EIPR1: variants seen among roughly 807,000 people sequenced by gnomAD.
The protein encoded by EIPR1 is EARP complex and GARP complex interacting protein 1.
In EIPR1, 25 loss-of-function variants were observed where a neutral mutation model predicts 48.1. The ratio of observed to expected loss-of-function variants is 0.52; its 90% CI spans 0.38 to 0.73. The LOEUF is 0.73. EIPR1 is among the 30% of genes least tolerant of loss of function. The pLI is 0.00. For missense variants in EIPR1, 415 were observed against 506.2 expected (o/e 0.82, Z 1.73); for synonymous variants, 204 against 201.9 (o/e 1.01, Z -0.09).
rs1664851448 is a variant in EIPR1 at position 3,197,470 on chromosome 2, GC to G, written c.517-454del. ...CCCTCTTCCCTCCCTCCGTCTCGAG[GC>G]CCACACGGCCTTCGCCTGGCATTTA... On this transcript the variant is annotated intron_variant, in intron 5 of 8. Coordinates refer to ENST00000382125, the MANE Select transcript of EIPR1 (RefSeq NM_003310.5). Among the ~76,000 whole-genome samples the G allele has an allele frequency of 1.3e-5, 2 of 152,162 alleles. 1 individual carries two copies. Among genetic ancestry groups the G allele is most frequent in the African/African-American group, 4.8e-5 (2 of 41,436 alleles).
chr2:3,309,162 C>A (rs73913312), intron 3 of EIPR1, among the ~76,000 whole-genome samples: 21,480 of 152,160 alleles, frequency 0.14, 1,558 homozygotes, highest in Middle Eastern at 0.29. Flanking sequence ...ATCTGATGGT[C>A]AATGTACAGA....
At chr2:3,359,646 A>T (rs1670807657) in intron 1 of EIPR1, among the ~76,000 whole-genome samples, 1 of 152,216 alleles carries the variant, frequency 6.6e-6, no homozygotes, top group Non-Finnish European at 1.5e-5. Flanking sequence ...AAAATTATTT[A>T]ATTTGGGCCA....
intron 3 of EIPR1, among the ~76,000 whole-genome samples, chr2:3,258,213 T>C (rs1054318399): frequency 1.3e-5 from 2 of 152,250 alleles, no homozygotes; most frequent in Admixed American, 6.5e-5. Flanking sequence ...AGACTCAACC[T>C]GCATTAGAAA....
chr2:3,269,576 CATCGCACTCAATCATCGCACTCA>C (rs1667629202), intron 3 of EIPR1, among the ~76,000 whole-genome samples: 1 of 80,246 alleles, frequency 1.2e-5, no homozygotes, highest in African/African-American at 6.0e-5. Context: ...CGCACTCAGT[CATCGCACTCAATCATCGCACTCA>C]ATCGCACTCA....
intron 4 of EIPR1, among the ~76,000 whole-genome samples, chr2:3,254,941 A>T (rs1667107971): frequency 6.6e-6 from 1 of 152,234 alleles, no homozygotes. Context: ...ATGCAGTGTT[A>T]CTATTGGGGA....
At chr2:3,234,241 T>C (rs1043081682) in intron 4 of EIPR1, among the ~76,000 whole-genome samples, 3 of 152,236 alleles carry the variant, frequency 2.0e-5, no homozygotes, top group Non-Finnish European at 2.9e-5. Flanking sequence ...TTGTGGTTTG[T>C]GTCGCTCAAT....
chr2:3,257,839 G>C (rs901579519), intron 3 of EIPR1, among the ~76,000 whole-genome samples: 3 of 152,198 alleles, frequency 2.0e-5, no homozygotes, highest in Non-Finnish European at 2.9e-5. Flanking sequence ...GGCATTAAAC[G>C]GGTTTTCTCT....
At chr2:3,322,982 C>T (rs773977280) in intron 3 of EIPR1, among the ~76,000 whole-genome samples, 2 of 152,050 alleles carry the variant, frequency 1.3e-5, no homozygotes, top group Non-Finnish European at 2.9e-5. Context: ...AATATATAAG[C>T]GAAAAGCGAC....
At chr2:3,263,844 T>G (rs1351171597) in intron 3 of EIPR1, among the ~76,000 whole-genome samples, 11 of 80,874 alleles carry the variant, frequency 1.4e-4, no homozygotes, top group African/African-American at 5.9e-4. Context: ...GCAGCACCAT[T>G]AACTTTCTAA....
chr2:3,343,798 CGAGTACAGAGCTGCAGGGCCAGGCTGCT>C (rs541596344), intron 2 of EIPR1, among the ~76,000 whole-genome samples: 28 of 152,066 alleles, frequency 1.8e-4, no homozygotes, highest in Non-Finnish European at 3.8e-4. Flanking sequence ...GCCGGGCCAC[CGAGTACAGAGCTGCAGGGCCAGGCTGCT>C]GAGTACAGAG....
chr2:3,264,475 C>A (rs1270346262), intron 3 of EIPR1, among the ~76,000 whole-genome samples: 1 of 152,202 alleles, frequency 6.6e-6, no homozygotes. Flanking sequence ...TAAAGACTTT[C>A]CTGTGTACGG....
chr2:3,217,567 T>TA (rs1487217568), intron 4 of EIPR1, among the ~76,000 whole-genome samples: 1 of 152,250 alleles, frequency 6.6e-6, no homozygotes, highest in African/African-American at 2.4e-5. Flanking sequence ...CCAAATTTTT[T>TA]AAAAAAATTG....
At chr2:3,194,767 G>C (rs994002817) in intron 6 of EIPR1, among the ~76,000 whole-genome samples, 3 of 150,966 alleles carry the variant, frequency 2.0e-5, no homozygotes, top group Non-Finnish European at 4.4e-5. Flanking sequence ...GATATATACA[G>C]AGAGAGAGAG....
rs141392930 is a variant in EIPR1 at position 3,249,794 on chromosome 2, C to T, written c.416+7505G>A. 3.2e-3 allele frequency among the ~76,000 whole-genome samples: 488 copies of T among 152,316 alleles called. 4 individuals are homozygous for T. The highest frequency in any genetic ancestry group is 0.011 in the African/African-American group (472 of 41,566). On this transcript the variant is annotated intron_variant, in intron 4 of 8. Transcript: ENST00000382125. Reference sequence around the variant, plus strand: ...GGGGCCCCACTTCCTTGTGCAGCCTCAGGACACTGCTCCCTGCATCTAGCT... The same window carrying T: ...GGGGCCCCACTTCCTTGTGCAGCCTTAGGACACTGCTCCCTGCATCTAGCT...
At chr2:3,212,057 A>G (rs1169061132) in intron 5 of EIPR1, among the ~76,000 whole-genome samples, 1 of 152,246 alleles carries the variant, frequency 6.6e-6, no homozygotes, top group Non-Finnish European at 1.5e-5. Flanking sequence ...TCAAACAATA[A>G]GAAGACATTG....
intron 5 of EIPR1, chr2:3,207,659 T>G (rs1665284394): frequency 6.6e-6 from 1 of 152,228 alleles, no homozygotes; most frequent in African/African-American, 2.4e-5. Flanking sequence ...TCCTCTTTCT[T>G]AAAGACGCCT....
intron 8 of EIPR1, among the ~76,000 whole-genome samples, chr2:3,190,018 C>T (rs1664548582): frequency 6.6e-6 from 1 of 152,044 alleles, no homozygotes; most frequent in Non-Finnish European, 1.5e-5. Context: ...GGGAGTGGGG[C>T]TGGGCTGAGG....
chr2:3,367,931 G>A (rs921323105), intron 1 of EIPR1, among the ~76,000 whole-genome samples: 3 of 152,218 alleles, frequency 2.0e-5, no homozygotes, highest in South Asian at 4.2e-4. Flanking sequence ...TGTAGACCCA[G>A]CTACTCAGGA....
chr2:3,236,744 T>C (rs541980728), intron 4 of EIPR1, among the ~76,000 whole-genome samples: 90 of 152,252 alleles, frequency 5.9e-4, no homozygotes, highest in African/African-American at 1.8e-3. Flanking sequence ...CTCTTCCTTA[T>C]TGTACAGATG....
Sources: allele counts gnomAD v4.1 joint callset (sites outside exome capture counted in the v4.1 genomes callset), GRCh38; gene constraint gnomAD v4.1.1; transcripts MANE v1.5; gene names NCBI Gene and HGNC (gene_info 2026-07-23, HGNC 2026-07-21).